The following FPR2 variants were observed in gnomAD, a reference collection of about 807,000 sequenced individuals.
FPR2 encodes the protein formyl peptide receptor 2.
In FPR2, 3 loss-of-function variants were observed where a neutral mutation model predicts 4.0. That is an observed-to-expected ratio of 0.74 (90% CI 0.34 to 1.92). FPR2 has a LOEUF of 1.92. Among genes scored for constraint, FPR2 ranks in the 30% most tolerant of loss-of-function variants. The probability of loss-of-function intolerance (pLI) is 0.07; values close to 1 mark genes in which losing one functional copy is unlikely to be tolerated. For synonymous variants in FPR2, 179 were observed against 171.5 expected (o/e 1.04, Z -0.34); for missense variants, 372 against 435.7 (o/e 0.85, Z 1.30).
chr19:51,763,822 A>G (rs1437712480), intron 1 of FPR2, among the ~76,000 whole-genome samples: 6 of 152,134 alleles, frequency 3.9e-5, no homozygotes. Flanking sequence ...CAGTGGTGCG[A>G]TCTCAGCTCA....
At chr19:51,762,029 T>C (rs1410476116) in intron 1 of FPR2, among the ~76,000 whole-genome samples, 1 of 151,482 alleles carries the variant, frequency 6.6e-6, no homozygotes, top group Non-Finnish European at 1.5e-5. Flanking sequence ...AAGGATAAGT[T>C]AGAAGTTTGG....
intron 1 of FPR2, 135 bp from the exon 2 acceptor site, chr19:51,768,510 G>T: frequency 1.4e-6 from 1 of 697,606 alleles, no homozygotes; most frequent in Non-Finnish European, 2.4e-6. Context: ...TAGCACCGTT[G>T]TCAACAAGGC....
rs948363754 is a variant in FPR2, at chr19:51,769,229, C to T, written c.571C>T (p.Leu191=). The T allele has an allele frequency of 6.2e-7, 1 of 1,614,084 alleles. No individual in the cohort carries two copies. The highest frequency in any genetic ancestry group is 1.3e-5 in the African/African-American group (1 of 74,914). ...CTGGGGTGGCACCCCTGAGGAGAGGCTGAAGGTGGCCATTACCATGCTGAC... is the reference window on the plus strand; with the variant it reads ...CTGGGGTGGCACCCCTGAGGAGAGGTTGAAGGTGGCCATTACCATGCTGAC... ...ASWGGTPEER[L]KVAITMLTAR... Residue 191 remains leucine, a synonymous_variant, in exon 2 of 2, where the codon CTG becomes TTG. Transcript: ENST00000340023. The surrounding 1 kb of genome is among the most constrained non-coding windows in gnomAD (Gnocchi z 4.4).
rs746894830 is a variant in FPR2 at position 51,769,519 on chromosome 19, G to A, written c.861G>A (p.Thr287=). ...YKIIDILVNP[T]SSLAFFNSCL... is the part of the protein sequence containing the mutation. ...TCATTGACATCCTGGTTAACCCAACGAGCTCCCTGGCCTTCTTCAACAGCT... is the reference window on the plus strand; with the variant it reads ...TCATTGACATCCTGGTTAACCCAACAAGCTCCCTGGCCTTCTTCAACAGCT... The change falls in exon 2 of 2, where the codon ACG becomes ACA. Residue 287 remains threonine, a synonymous_variant. Coordinates refer to ENST00000340023, the MANE Select transcript of FPR2 (RefSeq NM_001005738.2). This position sits in a 1 kb window ranked among gnomAD's most constrained non-coding sequence, Gnocchi z 4.4. 15 of 1,614,126 alleles carry A rather than the reference G, an allele frequency of 9.3e-6. No homozygotes were observed. Among genetic ancestry groups the A allele is most frequent in the Middle Eastern group, 1.6e-4 (1 of 6,062 alleles).
chr19:51,764,203 G>C (rs914027986), intron 1 of FPR2, among the ~76,000 whole-genome samples: 4 of 152,204 alleles, frequency 2.6e-5, no homozygotes, highest in Non-Finnish European at 5.9e-5. Flanking sequence ...TTTGTGGGAA[G>C]ATGAGAGGGC....
At chr19:51,764,412 G>A (rs1245162683) in intron 1 of FPR2, among the ~76,000 whole-genome samples, 4 of 152,180 alleles carry the variant, frequency 2.6e-5, no homozygotes, top group East Asian at 3.8e-4. Flanking sequence ...GTACTTTTTG[G>A]AGAAAGCAGG....
At chr19:51,767,948 T>A (rs1157393858) in intron 1 of FPR2, among the ~76,000 whole-genome samples, 1 of 152,046 alleles carries the variant, frequency 6.6e-6, no homozygotes, top group Non-Finnish European at 1.5e-5. Context: ...AAATCGGCAC[T>A]GATTATTTGC....
chr19:51,766,013 G>A (rs1292956239), intron 1 of FPR2, among the ~76,000 whole-genome samples: 4 of 152,130 alleles, frequency 2.6e-5, no homozygotes, highest in Non-Finnish European at 5.9e-5. Flanking sequence ...TCCGCCTCCC[G>A]GGTTCAAGCG....
chr19:51,769,680 C>T lies in FPR2; in HGVS notation c.1022C>T (p.Ser341Leu), dbSNP rs1488096686. The T allele has an allele frequency of 1.2e-6, 2 of 1,614,140 alleles. No individual in the cohort carries two copies. The highest frequency in any genetic ancestry group is 1.7e-6 in the Non-Finnish European group (2 of 1,180,012). The change falls in exon 2 of 2, where the codon TCA becomes TTA. Residue 341 changes from serine to leucine, a missense_variant. By Grantham distance (145) the Ser-to-Leu change is moderately radical. Coordinates refer to ENST00000340023, the MANE Select transcript of FPR2 (RefSeq NM_001005738.2). The surrounding 1 kb of genome is among the most constrained non-coding windows in gnomAD (Gnocchi z 4.4). ...AATGACACGGCTGCCAATTCTGCTTCACCTCCTGCAGAGACTGAGTTACAG... is the reference window on the plus strand; with the variant it reads ...AATGACACGGCTGCCAATTCTGCTTTACCTCCTGCAGAGACTGAGTTACAG... ...PTNDTAANSA[S>L]PPAETELQAM is the part of the protein sequence containing the mutation.
chr19:51,769,055 GC>G lies in FPR2; in HGVS notation c.400del (p.Gln134ArgfsTer6). 5.0e-6 allele frequency: 8 copies of G among 1,614,170 alleles called. No homozygotes were observed. Among genetic ancestry groups the G allele is most frequent in the Non-Finnish European group, 6.8e-6 (8 of 1,180,040 alleles). On this transcript the variant is annotated frameshift_variant, in exon 2 of 2. Transcript: ENST00000340023. LOFTEE classifies it low-confidence loss of function (END_TRUNC). This position sits in a 1 kb window ranked among gnomAD's most constrained non-coding sequence, Gnocchi z 4.4. ...CATTTGTGTCCTGCATCCAGTCTGGGCCCAGAACCACCGCACTGTGAGTCTG... is the reference window on the plus strand; with the variant it reads ...CATTTGTGTCCTGCATCCAGTCTGGGCCAGAACCACCGCACTGTGAGTCTG... ...RCICVLHPVW[A>X]QNHRTVSLAM...
rs1328829547 is a variant in FPR2, at chr19:51,770,492, T to A, written c.*778T>A. On this transcript the variant is annotated 3_prime_UTR_variant, in exon 2 of 2. Coordinates refer to ENST00000340023, the MANE Select transcript of FPR2 (RefSeq NM_001005738.2). ...TCTGATTCTGTTTTCTGGTGTTATA[T>A]CTTTATTAAATATTCAGAAAAATTC... 1.2e-5 allele frequency: 2 copies of A among 167,138 alleles called. No homozygotes were observed. The highest frequency in any genetic ancestry group is 2.4e-5 in the African/African-American group (1 of 41,472). 10.4% of individuals were successfully genotyped at this position (167,138 alleles called of 1,614,324 possible). A position where few individuals can be genotyped will look rare whatever the true frequency, so the allele number is the denominator to read the frequency against.
chr19:51,768,620 A>C, intron 1 of FPR2, 25 bp from the exon 2 acceptor site: 1 of 1,521,502 alleles, frequency 6.6e-7, no homozygotes, highest in Non-Finnish European at 8.9e-7. Context: ...ACAGCTGAGA[A>C]ATGGCCATTG....
In FPR2 at chr19:51,769,818, C is replaced by G. The variant is rs2083891362; in HGVS notation, c.*104C>G. On this transcript the variant is annotated 3_prime_UTR_variant, in exon 2 of 2. Coordinates refer to ENST00000340023, the MANE Select transcript of FPR2 (RefSeq NM_001005738.2). The surrounding 1 kb of genome is among the most constrained non-coding windows in gnomAD (Gnocchi z 4.4). ...TTGAGGCATTCAAGGATGCACAGCT[C>G]AAGTATTTATTCAGGAAAAATGCTT... 2 of 929,860 alleles carry G rather than the reference C, an allele frequency of 2.2e-6. No homozygotes were observed. The highest frequency in any genetic ancestry group is 2.6e-5 in the East Asian group (1 of 38,804). The allele number at this position is 929,860 out of a possible 1,614,324, so 57.6% of individuals were successfully genotyped here.
intron 1 of FPR2, among the ~76,000 whole-genome samples, chr19:51,766,317 T>C (rs1418229295): frequency 6.6e-6 from 1 of 152,190 alleles, no homozygotes; most frequent in Non-Finnish European, 1.5e-5. Context: ...TGATTGTCAT[T>C]TCTGGAGAAG....
At chr19:51,768,050 T>C (rs1325626823) in intron 1 of FPR2, among the ~76,000 whole-genome samples, 1 of 152,126 alleles carries the variant, frequency 6.6e-6, no homozygotes, top group African/African-American at 2.4e-5. Flanking sequence ...TGACTTCCTC[T>C]AGTGCAGAAT....
chr19:51,764,270 C>T (rs1009376653), intron 1 of FPR2, among the ~76,000 whole-genome samples: 9 of 152,104 alleles, frequency 5.9e-5, no homozygotes, highest in Admixed American at 5.9e-4. Context: ...TCTTTATTCA[C>T]AGTGACAGAG....
intron 1 of FPR2, among the ~76,000 whole-genome samples, chr19:51,767,045 A>AC: frequency 6.6e-6 from 1 of 152,232 alleles, no homozygotes; most frequent in East Asian, 1.9e-4. Context: ...TAAGCCTAAT[A>AC]CCCACTACTT....
rs202141015 is a variant in FPR2, at chr19:51,769,181, T to C, written c.523T>C (p.Tyr175His). 2.5e-6 allele frequency: 4 copies of C among 1,614,188 alleles called. No homozygotes were observed. Among genetic ancestry groups the C allele is most frequent in the East Asian group, 4.5e-5 (2 of 44,882 alleles). The change falls in exon 2 of 2, where the codon TAC (tyrosine) becomes CAC (histidine). Residue 175 changes from tyrosine (Y) to histidine (H), a missense_variant. Physicochemically the swap from Tyr to His is moderately conservative, Grantham distance 83. Coordinates refer to ENST00000340023, the MANE Select transcript of FPR2 (RefSeq NM_001005738.2). The surrounding 1 kb of genome is among the most constrained non-coding windows in gnomAD (Gnocchi z 4.4). ...TTVTIPNGDT[Y>H]CTFNFASWGG... is the part of the protein sequence containing the mutation. The stretch of plus-strand genomic sequence containing the variant: ...AGTAACTATTCCAAATGGGGACACA[T>C]ACTGTACTTTCAACTTTGCATCCTG...
Position 51,762,503 on chromosome 19 carries a change from C to T in FPR2, c.-15+1273C>T, listed in dbSNP as rs192692465. ...CGCCTCCCTGGTTCAAGCGATTCTC[C>T]TGCGTCAGCCTCCCGAGCATCTGGA... is the stretch of plus-strand genomic sequence containing the variant. On this transcript the variant is annotated intron_variant, in intron 1 of 1. Coordinates refer to ENST00000340023, the MANE Select transcript of FPR2 (RefSeq NM_001005738.2). 7.9e-3 allele frequency: 1,201 copies of T among 152,422 alleles called. 12 individuals are homozygous for T. Among genetic ancestry groups the T allele is most frequent in the Admixed American group, 0.018 (282 of 15,268 alleles). The allele number at this position is 152,422 out of a possible 1,614,324, so 9.4% of individuals were successfully genotyped here.
Sources: gnomAD v4.1 joint callset for allele counts (sites outside exome capture counted in the v4.1 genomes callset) on GRCh38, gnomAD v4.1.1 for gene constraint, Gnocchi (gnomAD v3.1) non-coding constraint, MANE v1.5 for transcripts, NCBI Gene and HGNC (gene_info 2026-07-23, HGNC 2026-07-21) for gene names.